The following PLA2G4A variants were observed in gnomAD, a reference collection of about 807,000 sequenced individuals.
PLA2G4A encodes cytosolic phospholipase A2.
A neutral mutation model predicts 81.9 loss-of-function variants in PLA2G4A; 40 were observed. The ratio of observed to expected loss-of-function variants is 0.49; its 90% confidence interval spans 0.38 to 0.64. PLA2G4A has a LOEUF of 0.64. Among genes scored for constraint, PLA2G4A ranks in the 30% least tolerant of loss-of-function variants. The probability of loss-of-function intolerance (pLI) is 0.00; values close to 1 mark genes in which losing one functional copy is unlikely to be tolerated. For synonymous variants in PLA2G4A, 302 were observed against 296.9 expected, an observed-to-expected ratio of 1.02 and a Z score of -0.18; for missense variants, 715 against 905.1, an observed-to-expected ratio of 0.79 and a Z score of 2.69.
chr1:186,842,618 C>T (rs1195275179), intron 1 of PLA2G4A, among the ~76,000 whole-genome samples: 1 of 152,098 alleles, frequency 6.6e-6, no homozygotes, highest in East Asian at 1.9e-4. Flanking sequence ...TGACTAGTGT[C>T]CTTAAAAGAA....
chr1:186,924,404 C>A (rs1204485364), intron 7 of PLA2G4A, among the ~76,000 whole-genome samples: 2 of 152,184 alleles, frequency 1.3e-5, no homozygotes, highest in South Asian at 2.1e-4. Context: ...ATGCAAATGA[C>A]AGATGTCTCC....
intron 7 of PLA2G4A, among the ~76,000 whole-genome samples, chr1:186,925,876 G>A (rs939588559): frequency 6.6e-6 from 1 of 152,196 alleles, no homozygotes; most frequent in African/African-American, 2.4e-5. Context: ...CAACATCTGT[G>A]TTATTCATCT....
At chr1:186,846,676 G>T (rs1652185899) in intron 1 of PLA2G4A, among the ~76,000 whole-genome samples, 2 of 151,976 alleles carry the variant, frequency 1.3e-5, no homozygotes, top group Admixed American at 1.3e-4. Flanking sequence ...TTATTAGAAT[G>T]TTACATCGCT....
chr1:186,920,032 A>G (rs1281603128), intron 7 of PLA2G4A, among the ~76,000 whole-genome samples: 2 of 152,160 alleles, frequency 1.3e-5, no homozygotes, highest in African/African-American at 4.8e-5. Context: ...CTTAACGTCT[A>G]TGAGCACGGG....
intron 5 of PLA2G4A, among the ~76,000 whole-genome samples, chr1:186,901,314 T>C (rs1654530760): frequency 6.6e-6 from 1 of 152,202 alleles, no homozygotes. Flanking sequence ...TTTATGACTT[T>C]TATGACAATT....
At chr1:186,972,953 A>G (rs1484226829) in intron 15 of PLA2G4A, among the ~76,000 whole-genome samples, 1 of 152,172 alleles carries the variant, frequency 6.6e-6, no homozygotes, top group Non-Finnish European at 1.5e-5. Context: ...ATCTCCACAT[A>G]TTATTCACTT....
intron 3 of PLA2G4A, among the ~76,000 whole-genome samples, chr1:186,890,873 G>C (rs1004205278): frequency 1.2e-4 from 17 of 146,156 alleles, no homozygotes; most frequent in African/African-American, 4.3e-4. Flanking sequence ...AAAAGGAAAA[G>C]AAAAAAATTG....
chr1:186,901,099 G>A (rs1314691207), intron 5 of PLA2G4A, among the ~76,000 whole-genome samples: 1 of 152,136 alleles, frequency 6.6e-6, no homozygotes, highest in Non-Finnish European at 1.5e-5. Context: ...GGCAATTTAC[G>A]TAAGTTATTG....
chr1:186,968,729 A>C (rs190562720), intron 15 of PLA2G4A, among the ~76,000 whole-genome samples: 8 of 151,750 alleles, frequency 5.3e-5, no homozygotes, highest in Admixed American at 4.6e-4. Context: ...ATCACATTTT[A>C]ATTATTTATT....
intron 1 of PLA2G4A, among the ~76,000 whole-genome samples, chr1:186,844,646 G>A (rs1652106641): frequency 6.6e-6 from 1 of 152,134 alleles, no homozygotes; most frequent in Admixed American, 6.5e-5. Context: ...CCCTGTTGGG[G>A]GAGCAGGGAG....
intron 2 of PLA2G4A, among the ~76,000 whole-genome samples, chr1:186,857,014 C>T (rs1674914226): frequency 9.0e-6 from 1 of 111,288 alleles, no homozygotes; most frequent in Admixed American, 9.8e-5. Flanking sequence ...TTGATCTGAC[C>T]AGGCCTTATT....
chr1:186,853,258 T>G (rs1652438252), intron 1 of PLA2G4A, among the ~76,000 whole-genome samples: 2 of 151,760 alleles, frequency 1.3e-5, no homozygotes, highest in South Asian at 2.1e-4. Context: ...GATCCCATTT[T>G]TTTAAAAAAA....
chr1:186,918,093 G>A (rs1655213306), intron 7 of PLA2G4A, among the ~76,000 whole-genome samples: 1 of 152,164 alleles, frequency 6.6e-6, no homozygotes, highest in African/African-American at 2.4e-5. Context: ...CCCTGTCTGG[G>A]TGGAAGAAGT....
At position 186,977,710 on chromosome 1, in the gene PLA2G4A, C is replaced by A. The variant is rs763025439; in HGVS notation, c.1882C>A (p.Pro628Thr). Residue 628 changes from proline to threonine, a missense_variant, in exon 16 of 18, where the codon CCT becomes ACT. By Grantham distance (38) the Pro-to-Thr change is conservative. Transcript: ENST00000367466. ...GTGCTATGTCTTTAAACCCAAGAATCCTGATATGGAGAAAGATTGCCCAAC... is the reference window on the plus strand; with the variant it reads ...GTGCTATGTCTTTAAACCCAAGAATACTGATATGGAGAAAGATTGCCCAAC... ...KECYVFKPKN[P>T]DMEKDCPTII... The A allele has an allele frequency of 6.2e-7, 1 of 1,613,386 alleles. No individual in the cohort carries two copies. Among genetic ancestry groups the A allele is most frequent in the Non-Finnish European group, 8.5e-7 (1 of 1,179,464 alleles).
chr1:186,858,226 G>C (rs1225541449), intron 2 of PLA2G4A, among the ~76,000 whole-genome samples: 1 of 152,162 alleles, frequency 6.6e-6, no homozygotes, highest in Non-Finnish European at 1.5e-5. Context: ...CCCACCAACA[G>C]TGTAAAAGCA....
chr1:186,837,507 A>ATCACGAGG (rs1236889842), intron 1 of PLA2G4A, among the ~76,000 whole-genome samples: 10 of 151,762 alleles, frequency 6.6e-5, no homozygotes, highest in Non-Finnish European at 1.5e-4. Flanking sequence ...AGGCAGGCGG[A>ATCACGAGG]TCACGAGGTC....
At chr1:186,940,235 GAA>G in intron 10 of PLA2G4A, 141 bp downstream of exon 10, 1 of 664,762 alleles carries the variant, frequency 1.5e-6, no homozygotes. Flanking sequence ...GAAGATATAA[GAA>G]AATATTAAGT....
At chr1:186,934,020 C>T (rs898371343) in intron 8 of PLA2G4A, among the ~76,000 whole-genome samples, 3 of 152,100 alleles carry the variant, frequency 2.0e-5, no homozygotes, top group Admixed American at 1.3e-4. Flanking sequence ...CTATATGTAC[C>T]CTCAAAATGA....
At chr1:186,957,846 A>T (rs917248755) in intron 14 of PLA2G4A, among the ~76,000 whole-genome samples, 1 of 152,212 alleles carries the variant, frequency 6.6e-6, no homozygotes, top group Non-Finnish European at 1.5e-5. Flanking sequence ...CTGTCATTTT[A>T]AATTTTTATA....
Sources: allele counts gnomAD v4.1 joint callset (sites outside exome capture counted in the v4.1 genomes callset), GRCh38; gene constraint gnomAD v4.1.1; transcripts MANE v1.5; gene names NCBI Gene and HGNC (gene_info 2026-07-23, HGNC 2026-07-21).